Variants in PRMT3 observed in about 807,000 individuals in gnomAD.
PRMT3 encodes protein arginine methyltransferase 3, also known as protein arginine N-methyltransferase 3.
A neutral mutation model predicts 71.9 loss-of-function variants in PRMT3; 62 were observed. The ratio of observed to expected loss-of-function variants is 0.86; its 90% CI spans 0.70 to 1.07. The LOEUF (loss-of-function observed/expected upper bound fraction) is 1.07, where lower values mean the gene tolerates loss of function less well. Ranked by LOEUF, PRMT3 falls within the 50% of genes least tolerant of loss-of-function variation. PRMT3 has a pLI of 0.00. For synonymous variants in PRMT3, 213 were observed against 220.4 expected (o/e 0.97, Z 0.30); for missense variants, 663 against 643.0 (o/e 1.03, Z -0.34).
intron 13 of PRMT3, among the ~76,000 whole-genome samples, chr11:20,482,926 ATT>A (rs1337808578): frequency 6.6e-6 from 1 of 152,090 alleles, no homozygotes; most frequent in African/African-American, 2.4e-5. Context: ...TATTTGCCAG[ATT>A]TTTAGTTCCC....
chr11:20,439,558 C>G (rs926633170), intron 10 of PRMT3, among the ~76,000 whole-genome samples: 1 of 152,206 alleles, frequency 6.6e-6, no homozygotes, highest in Non-Finnish European at 1.5e-5. Flanking sequence ...GCTGATATCA[C>G]TCTCCAAAGC....
At chr11:20,504,996 G>T (rs1372412957) in intron 15 of PRMT3, among the ~76,000 whole-genome samples, 2 of 152,136 alleles carry the variant, frequency 1.3e-5, no homozygotes, top group Admixed American at 1.3e-4. Context: ...GCCTCCCAAG[G>T]TGCTGGTATT....
chr11:20,396,474 TA>T (rs1253497507), intron 6 of PRMT3, among the ~76,000 whole-genome samples: 1 of 151,970 alleles, frequency 6.6e-6, no homozygotes, highest in African/African-American at 2.4e-5. Flanking sequence ...CTGTCTCTAC[TA>T]AAAATACAAA....
chr11:20,392,786 CTT>C, intron 4 of PRMT3, 109 bp from the exon 5 acceptor site: 1 of 708,400 alleles, frequency 1.4e-6, no homozygotes, highest in Non-Finnish European at 2.4e-6. Context: ...GACATACTGA[CTT>C]TGTGTAATGC....
chr11:20,441,778 A>G (rs1446856725), intron 10 of PRMT3, among the ~76,000 whole-genome samples: 2 of 146,372 alleles, frequency 1.4e-5, no homozygotes, highest in African/African-American at 2.5e-5. Context: ...CCTACCTACA[A>G]TAGTTTCAGG....
chr11:20,416,990 C>T (rs191312538), intron 9 of PRMT3, among the ~76,000 whole-genome samples: 9 of 152,216 alleles, frequency 5.9e-5, no homozygotes, highest in East Asian at 3.9e-4. Flanking sequence ...TTTACAGTTA[C>T]CCCCGTAATG....
chr11:20,494,274 G>A lies in PRMT3; in HGVS notation c.1486+20G>A, dbSNP rs764357975. 2 of 1,503,930 alleles carry A rather than the reference G, an allele frequency of 1.3e-6. No homozygotes were observed. Among genetic ancestry groups the A allele is most frequent in the Middle Eastern group, 1.7e-4 (1 of 5,844 alleles). The allele number at this position is 1,503,930 out of a possible 1,614,324, so 93.2% of individuals were successfully genotyped here. A position where few individuals can be genotyped will look rare whatever the true frequency, so the allele number is the denominator to read the frequency against. Reference sequence around the variant, plus strand: ...AAGCAGGTGAGAAAGAATAGTAGGGGGGAAGTATCTTATTCATTCTGAAGT... The same window carrying A: ...AAGCAGGTGAGAAAGAATAGTAGGGAGGAAGTATCTTATTCATTCTGAAGT... On this transcript the variant is annotated intron_variant, in intron 15 of 15. Coordinates refer to ENST00000331079, the MANE Select transcript of PRMT3 (RefSeq NM_005788.4).
At chr11:20,464,362 GAAGTA>G in intron 12 of PRMT3, 93 bp from the exon 13 acceptor site, 1 of 1,426,832 alleles carries the variant, frequency 7.0e-7, no homozygotes, top group Non-Finnish European at 9.2e-7. Context: ...GTGCATAAAA[GAAGTA>G]ATGTTTGTCT....
Position 20,387,936 on chromosome 11 carries a change from G to A in PRMT3, c.29-83G>A. On this transcript the variant is annotated intron_variant, in intron 1 of 15. Coordinates refer to ENST00000331079, the MANE Select transcript of PRMT3 (RefSeq NM_005788.4). The surrounding 1 kb of genome is among the most constrained non-coding windows in gnomAD (Gnocchi z 4.3). ...AGGGCCGCGGGCGAACGGGGCGGAG[G>A]AGAGCCCATCGTCACCTGCTCCTCG... 6.2e-7 allele frequency: 1 copy of A among 1,600,458 alleles called. No homozygotes were observed. Among genetic ancestry groups the A allele is most frequent in the Non-Finnish European group, 8.5e-7 (1 of 1,173,036 alleles).
chr11:20,398,350 T>G (rs1260715876), intron 7 of PRMT3, among the ~76,000 whole-genome samples: 3 of 152,108 alleles, frequency 2.0e-5, no homozygotes, highest in African/African-American at 7.2e-5. Flanking sequence ...CATATAGGAG[T>G]ATTTCCTGAA....
Position 20,388,016 on chromosome 11 carries a change from T to G in PRMT3, c.29-3T>G. 1 of 1,613,802 alleles carries G rather than the reference T, an allele frequency of 6.2e-7. No homozygotes were observed. On this transcript the variant is annotated splice_polypyrimidine_tract_variant and splice_region_variant and intron_variant, in intron 1 of 15. Transcript: ENST00000331079. Reference sequence around the variant, plus strand: ...CGATCTGATTGTTGTGTGTGTGTGTTAGGCGGCCGGGGCGCTGTGGAGAAT... The same window carrying G: ...CGATCTGATTGTTGTGTGTGTGTGTGAGGCGGCCGGGGCGCTGTGGAGAAT...
At chr11:20,392,022 G>C (rs1020624676) in intron 3 of PRMT3, among the ~76,000 whole-genome samples, 189 bp from the exon 4 acceptor site, 1 of 152,046 alleles carries the variant, frequency 6.6e-6, no homozygotes, top group African/African-American at 2.4e-5. Context: ...GTCATTTATG[G>C]CTGCTTCTCA....
chr11:20,503,890 A>C (rs919048719), intron 15 of PRMT3, among the ~76,000 whole-genome samples: 1 of 152,206 alleles, frequency 6.6e-6, no homozygotes, highest in Admixed American at 6.5e-5. Context: ...ATTTAACTTT[A>C]TAAGAAACTG....
At chr11:20,483,478 T>C (rs950436277) in intron 13 of PRMT3, among the ~76,000 whole-genome samples, 1 of 150,424 alleles carries the variant, frequency 6.6e-6, no homozygotes, top group Admixed American at 6.7e-5. Context: ...GGAAAACCGA[T>C]GATGTGTGAG....
chr11:20,408,974 G>T (rs904909989), intron 9 of PRMT3, among the ~76,000 whole-genome samples: 2 of 152,238 alleles, frequency 1.3e-5, no homozygotes, highest in African/African-American at 4.8e-5. Flanking sequence ...GTGCATGCCT[G>T]TAATTCCACC....
At chr11:20,455,428 T>C (rs1850246806) in intron 11 of PRMT3, among the ~76,000 whole-genome samples, 1 of 152,130 alleles carries the variant, frequency 6.6e-6, no homozygotes, top group Non-Finnish European at 1.5e-5. Context: ...AGGTTGGTGG[T>C]GGTAGATCCT....
intron 7 of PRMT3, 89 bp from the exon 8 acceptor site, chr11:20,402,830 A>G (rs142203029): frequency 3.8e-5 from 35 of 930,702 alleles, no homozygotes; most frequent in Middle Eastern, 4.5e-4. Context: ...GAAACTAGCA[A>G]TGTGTGTTAA....
chr11:20,478,442 A>G (rs1850849162), intron 13 of PRMT3, among the ~76,000 whole-genome samples: 1 of 151,320 alleles, frequency 6.6e-6, no homozygotes, highest in Non-Finnish European at 1.5e-5. Context: ...CAGTTCTTTG[A>G]TGATCTACTT....
intron 9 of PRMT3, among the ~76,000 whole-genome samples, chr11:20,425,552 A>G (rs2133350666): frequency 1.3e-5 from 2 of 152,354 alleles, no homozygotes; most frequent in Middle Eastern, 6.8e-3. Flanking sequence ...GTGGTGGAAT[A>G]CTACTCAGCA....
Sources: gnomAD v4.1 joint callset for allele counts (sites outside exome capture counted in the v4.1 genomes callset) on GRCh38, gnomAD v4.1.1 for gene constraint, Gnocchi (gnomAD v3.1) non-coding constraint, MANE v1.5 for transcripts, NCBI Gene and HGNC (gene_info 2026-07-23, HGNC 2026-07-21) for gene names.